SEMA4D: variants seen among roughly 807,000 people sequenced by gnomAD.
The protein encoded by SEMA4D is semaphorin 4D.
SEMA4D carries 22 observed loss-of-function variants against 74.8 expected under a neutral mutation model. The observed-to-expected ratio is 0.29, with a 90% CI of 0.21 to 0.42. The LOEUF (loss-of-function observed/expected upper bound fraction) is 0.42, where lower values mean the gene tolerates loss of function less well. Among genes scored for constraint, SEMA4D ranks in the 10% least tolerant of loss-of-function variants. The pLI, the probability that SEMA4D is intolerant of heterozygous loss-of-function variation, is 1.00. For synonymous variants in SEMA4D, 445 were observed against 463.7 expected, an observed-to-expected ratio of 0.96 and a Z score of 0.52; for missense variants, 937 against 1,118.4, an observed-to-expected ratio of 0.84 and a Z score of 2.31.
chr9:89,473,622 C>T (rs1038762947), intron 1 of SEMA4D, among the ~76,000 whole-genome samples: 4 of 151,862 alleles, frequency 2.6e-5, no homozygotes, highest in East Asian at 1.9e-4. Context: ...TTTGGGAGGC[C>T]GAGGCAGGTG....
At chr9:89,421,102 G>A (rs1444204890) in intron 2 of SEMA4D, among the ~76,000 whole-genome samples, 5 of 152,214 alleles carry the variant, frequency 3.3e-5, no homozygotes, top group African/African-American at 4.8e-5. Context: ...ACGGGGGATC[G>A]GGGCTTCCCC....
intron 1 of SEMA4D, among the ~76,000 whole-genome samples, chr9:89,494,638 T>G (rs994111636): frequency 6.6e-6 from 1 of 152,160 alleles, no homozygotes; most frequent in Non-Finnish European, 1.5e-5. Context: ...CAGGGAGGAA[T>G]TGGAGATCTC....
At chr9:89,422,236 TCTGGCATTTTGGTGAATTC>T (rs1347018480) in intron 2 of SEMA4D, among the ~76,000 whole-genome samples, 1 of 152,254 alleles carries the variant, frequency 6.6e-6, no homozygotes, top group Non-Finnish European at 1.5e-5. Context: ...TTCTGGTCTT[TCTGGCATTTTGGTGAATTC>T]CTCATTCTAA....
chr9:89,467,809 C>T (rs1859150072), intron 1 of SEMA4D, among the ~76,000 whole-genome samples: 2 of 152,248 alleles, frequency 1.3e-5, no homozygotes, highest in Admixed American at 6.5e-5. Flanking sequence ...GGATTACAGA[C>T]GTGAGCCACT....
At chr9:89,363,515 T>C (rs774872954) in exon 18 of SEMA4D, 5 of 1,614,098 alleles carry the variant, frequency 3.1e-6, no homozygotes, top group South Asian at 1.1e-5. Flanking sequence ...CCACCTCTCC[T>C]GGTGGGTCAC....
intron 1 of SEMA4D, among the ~76,000 whole-genome samples, chr9:89,482,050 C>T (rs543084819): frequency 2.7e-4 from 41 of 152,312 alleles, no homozygotes; most frequent in African/African-American, 9.6e-4. Context: ...GAGGGGTCAC[C>T]GCCCAGACGG....
chr9:89,462,537 G>C (rs145018149), intron 1 of SEMA4D, among the ~76,000 whole-genome samples: 1 of 152,084 alleles, frequency 6.6e-6, no homozygotes, highest in Admixed American at 6.5e-5. Flanking sequence ...AAAATAGGTG[G>C]GGTTGTTTTT....
At chr9:89,428,469 T>C (rs1848564570) in intron 2 of SEMA4D, among the ~76,000 whole-genome samples, 1 of 152,166 alleles carries the variant, frequency 6.6e-6, no homozygotes, top group Admixed American at 6.5e-5. Context: ...ACATCCTCCA[T>C]TGCAGCCAGC....
intron 2 of SEMA4D, among the ~76,000 whole-genome samples, chr9:89,426,414 C>T (rs1211632804): frequency 6.6e-6 from 1 of 152,194 alleles, no homozygotes; most frequent in Admixed American, 6.5e-5. Context: ...CAACAGGGAA[C>T]CTAGTCAACA....
chr9:89,430,698 C>T (rs1003128888), intron 2 of SEMA4D, among the ~76,000 whole-genome samples: 4 of 152,210 alleles, frequency 2.6e-5, no homozygotes, highest in South Asian at 2.1e-4. Flanking sequence ...TCAGATGGGC[C>T]GAGCGTGGTG....
intron 2 of SEMA4D, among the ~76,000 whole-genome samples, chr9:89,421,425 C>T (rs1342753026): frequency 6.6e-6 from 1 of 152,194 alleles, no homozygotes; most frequent in Non-Finnish European, 1.5e-5. Flanking sequence ...TGTTTCCGCA[C>T]CCTGCTGGGC....
At chr9:89,364,111 C>T in intron 16 of SEMA4D, 1 of 1,467,268 alleles carries the variant, frequency 6.8e-7, no homozygotes, top group East Asian at 2.4e-5. Context: ...AGGTGGCTTC[C>T]CCATGGCCAG....
chr9:89,446,493 C>T (rs1852886281), intron 2 of SEMA4D, among the ~76,000 whole-genome samples: 2 of 152,192 alleles, frequency 1.3e-5, no homozygotes, highest in Admixed American at 1.3e-4. Flanking sequence ...GCCATGACCC[C>T]ACCCAGCCCA....
intron 2 of SEMA4D, among the ~76,000 whole-genome samples, chr9:89,431,665 CTT>C (rs1337023348): frequency 5.3e-5 from 8 of 152,084 alleles, no homozygotes; most frequent in Admixed American, 2.6e-4. Flanking sequence ...GCTCAGCTAT[CTT>C]TTTATTTTTT....
intron 2 of SEMA4D, among the ~76,000 whole-genome samples, chr9:89,445,925 G>A (rs911164216): frequency 6.6e-6 from 1 of 152,102 alleles, no homozygotes; most frequent in East Asian, 1.9e-4. Context: ...GAGGTGCCAT[G>A]CAGGACAAGC....
intron 2 of SEMA4D, among the ~76,000 whole-genome samples, chr9:89,446,991 T>C (rs1564819310): frequency 6.6e-6 from 1 of 152,116 alleles, no homozygotes; most frequent in Admixed American, 6.5e-5. Flanking sequence ...TTCCAAATCC[T>C]GCCATGTGTC....
intron 16 of SEMA4D, chr9:89,364,425 G>A (rs932347260): frequency 8.5e-6 from 2 of 235,550 alleles, no homozygotes; most frequent in East Asian, 9.3e-5. Context: ...GGGCCAGAGT[G>A]GGGACCATGA....
chr9:89,449,559 T>C (rs1292419063), intron 2 of SEMA4D: 5 of 792,174 alleles, frequency 6.3e-6, no homozygotes, highest in South Asian at 1.3e-5. Flanking sequence ...GGCAGGAAGA[T>C]GTCAGGCAAA....
At chr9:89,421,960 T>C (rs1847057802) in intron 2 of SEMA4D, among the ~76,000 whole-genome samples, 1 of 152,252 alleles carries the variant, frequency 6.6e-6, no homozygotes, top group African/African-American at 2.4e-5. Flanking sequence ...TTTAGAACTA[T>C]TCGAATTCCT....
Sources: allele counts gnomAD v4.1 joint callset (sites outside exome capture counted in the v4.1 genomes callset), GRCh38; gene constraint gnomAD v4.1.1; transcripts MANE v1.5; gene names NCBI Gene and HGNC (gene_info 2026-07-23, HGNC 2026-07-21).